ARHGAP39: variants seen among roughly 807,000 people sequenced by gnomAD.
ARHGAP39 encodes Rho GTPase activating protein 39, also known as rho GTPase-activating protein 39.
Under a neutral mutation model 106.9 loss-of-function variants are expected in ARHGAP39, and 44 were observed. That is an observed-to-expected ratio of 0.41 (90% confidence interval 0.32 to 0.53). The LOEUF (loss-of-function observed/expected upper bound fraction) is 0.53, where lower values mean the gene tolerates loss of function less well. ARHGAP39 is among the 20% of genes least tolerant of loss of function. The probability of loss-of-function intolerance (pLI) is 0.21; values close to 1 mark genes in which losing one functional copy is unlikely to be tolerated. For synonymous variants in ARHGAP39, 768 were observed against 693.2 expected (o/e 1.11, Z -1.69); for missense variants, 1,496 against 1,577.3 (o/e 0.95, Z 0.87).
rs1822336009 is a variant in ARHGAP39 at position 144,679,553 on chromosome 8, G to C, written c.-82+6133C>G. 6.6e-6 allele frequency among the ~76,000 whole-genome samples: 1 copy of C among 152,212 alleles called. No homozygotes were observed. The highest frequency in any genetic ancestry group is 2.4e-5 in the African/African-American group (1 of 41,460). ...AACTCGCTCTGGAGAAAGCTGTCCA[G>C]TAAACTCCTGGATTTGGATTTCTTC... On this transcript the variant is annotated intron_variant, in intron 1 of 11. Coordinates refer to ENST00000377307, the MANE Select transcript of ARHGAP39 (RefSeq NM_025251.3). The surrounding 1 kb of genome is among the most constrained non-coding windows in gnomAD (Gnocchi z 4.7).
At chr8:144,640,352 TA>T (rs1373291024) in intron 1 of ARHGAP39, among the ~76,000 whole-genome samples, 5 of 152,156 alleles carry the variant, frequency 3.3e-5, no homozygotes, top group African/African-American at 1.2e-4. Flanking sequence ...AATTGAATCA[TA>T]GGGGTGGGTC....
At chr8:144,597,098 G>T (rs1002996512) in intron 2 of ARHGAP39, among the ~76,000 whole-genome samples, 1 of 152,238 alleles carries the variant, frequency 6.6e-6, no homozygotes. Flanking sequence ...TGTGCCCAAG[G>T]AGACAGAGGA....
At chr8:144,564,610 GT>G (rs1818323318) in intron 3 of ARHGAP39, among the ~76,000 whole-genome samples, 1 of 152,178 alleles carries the variant, frequency 6.6e-6, no homozygotes, top group Non-Finnish European at 1.5e-5. Flanking sequence ...GACTGAACAT[GT>G]TAAGTAGAGA....
chr8:144,643,364 G>A (rs1821359551), intron 1 of ARHGAP39, among the ~76,000 whole-genome samples: 2 of 152,090 alleles, frequency 1.3e-5, no homozygotes, highest in Non-Finnish European at 2.9e-5. Flanking sequence ...CGAGTGGGAG[G>A]ACTGCTTGAG....
In ARHGAP39 at chr8:144,530,295, G is replaced by A; in HGVS notation, c.*127C>T. On this transcript the variant is annotated 3_prime_UTR_variant, in exon 12 of 12. Coordinates refer to ENST00000377307, the MANE Select transcript of ARHGAP39 (RefSeq NM_025251.3). The stretch of plus-strand genomic sequence containing the variant: ...GACGTGGGGAGCGCCGGGGCCAGGG[G>A]CCTGGGGGAGTGGAGGGGGCTCCAG... The A allele has an allele frequency of 1.9e-6, 2 of 1,059,470 alleles. No homozygotes were observed. Among genetic ancestry groups the A allele is most frequent in the Non-Finnish European group, 2.7e-6 (2 of 742,272 alleles). 65.6% of individuals were successfully genotyped at this position (1,059,470 alleles called of 1,614,324 possible).
chr8:144,567,423 A>AC (rs1818437241), intron 3 of ARHGAP39, among the ~76,000 whole-genome samples: 1 of 152,208 alleles, frequency 6.6e-6, no homozygotes, highest in African/African-American at 2.4e-5. Flanking sequence ...TGCCAAGCGG[A>AC]CCGTGGTCTA....
chr8:144,697,473 C>T, the ARHGAP39 span, among the ~76,000 whole-genome samples: 1 of 151,916 alleles, frequency 6.6e-6, no homozygotes. Flanking sequence ...GAATTGTATT[C>T]AATGTTATTA....
At position 144,545,761 on chromosome 8, in the gene ARHGAP39, C is replaced by A. The variant is rs756710619; in HGVS notation, c.2009G>T (p.Arg670Leu). 1 of 1,599,876 alleles carries A rather than the reference C, an allele frequency of 6.3e-7. No homozygotes were observed. Among genetic ancestry groups the A allele is most frequent in the East Asian group, 2.2e-5 (1 of 44,564 alleles). ...GCAGCTGGAGCTGGGAACGCCGCTGCGGCTCTGCCGGCTGCTCTCGAACTG... is the reference window on the plus strand; with the variant it reads ...GCAGCTGGAGCTGGGAACGCCGCTGAGGCTCTGCCGGCTGCTCTCGAACTG... ...CAQFESSRQS[R>L]SGVPSSSCVF... The change falls in exon 6 of 12, where the codon CGC becomes CTC. Residue 670 changes from arginine (R) to leucine (L), a missense_variant. This residue lies in a region of ARHGAP39 where 905 missense variants were observed against 816.4 expected (regional missense o/e 1.11). Coordinates refer to ENST00000377307, the MANE Select transcript of ARHGAP39 (RefSeq NM_025251.3).
In ARHGAP39 at chr8:144,547,136, G is replaced by A; in HGVS notation, c.1950C>T (p.His650=). 1.3e-6 allele frequency: 2 copies of A among 1,598,102 alleles called. No individual in the cohort carries two copies. The highest frequency in any genetic ancestry group is 1.7e-6 in the Non-Finnish European group (2 of 1,171,910). ...TNLASPEPYL[H]PSQSEDLAAC... is the part of the protein sequence containing the mutation. ...CCCATTGGGCCCTCACCTGTGAGGG[G>A]TGGAGGTAGGGCTCTGGTGAGGCCA... is the stretch of plus-strand genomic sequence containing the variant. Residue 650 remains histidine, a synonymous_variant, in exon 5 of 12, where the codon CAC becomes CAT. Coordinates refer to ENST00000377307, the MANE Select transcript of ARHGAP39 (RefSeq NM_025251.3). This position sits in a 1 kb window ranked among gnomAD's most constrained non-coding sequence, Gnocchi z 5.2.
intron 1 of ARHGAP39, among the ~76,000 whole-genome samples, chr8:144,636,730 G>A (rs746924976): frequency 3.9e-5 from 6 of 152,152 alleles, no homozygotes; most frequent in Non-Finnish European, 7.3e-5. Flanking sequence ...GAGCATCGCC[G>A]GGGTGACACT....
At chr8:144,602,750 G>C (rs573118267) in intron 2 of ARHGAP39, among the ~76,000 whole-genome samples, 1 of 145,262 alleles carries the variant, frequency 6.9e-6, no homozygotes, top group Non-Finnish European at 1.5e-5. Flanking sequence ...GGAGGCGTGT[G>C]TGTGAGCTCG....
chr8:144,669,905 T>G (rs1441957773), intron 1 of ARHGAP39, among the ~76,000 whole-genome samples: 1 of 152,246 alleles, frequency 6.6e-6, no homozygotes, highest in African/African-American at 2.4e-5. Context: ...TGGAACCTTA[T>G]GTATCGCTGT....
At chr8:144,616,201 C>G (rs1041739764) in intron 1 of ARHGAP39, among the ~76,000 whole-genome samples, 2 of 152,240 alleles carry the variant, frequency 1.3e-5, no homozygotes, top group Non-Finnish European at 2.9e-5. Flanking sequence ...GAGAGGCAGT[C>G]TGGAGGGGCC....
the ARHGAP39 span, chr8:144,698,615 TGG>T: frequency 6.8e-6 from 2 of 294,476 alleles, no homozygotes; most frequent in Non-Finnish European, 1.3e-5. Context: ...GTTTTTTTTT[TGG>T]CAATTAGTTA....
At chr8:144,696,882 C>T in the ARHGAP39 span, among the ~76,000 whole-genome samples, 2 of 152,186 alleles carry the variant, frequency 1.3e-5, no homozygotes, top group African/African-American at 4.8e-5. Context: ...GATTTGAATG[C>T]TCTAGGTACT....
intron 3 of ARHGAP39, among the ~76,000 whole-genome samples, chr8:144,565,430 C>T (rs1194095380): frequency 5.9e-5 from 9 of 152,178 alleles, no homozygotes; most frequent in East Asian, 1.9e-4. Context: ...GGTTCATGCC[C>T]GTAATTCCAG....
Position 144,670,747 on chromosome 8 carries a change from A to G in ARHGAP39, c.-82+14939T>C, listed in dbSNP as rs1822080859. ...TCCTCATCTAAATGAAGCATGCTAG[A>G]TTTGCTGTCACAGCCTCATCCCCGT... is the stretch of plus-strand genomic sequence containing the variant. On this transcript the variant is annotated intron_variant, in intron 1 of 11. Transcript: ENST00000377307. The surrounding 1 kb of genome is among the most constrained non-coding windows in gnomAD (Gnocchi z 4.4). 6.6e-6 allele frequency among the ~76,000 whole-genome samples: 1 copy of G among 151,944 alleles called. No individual in the cohort carries two copies. The highest frequency in any genetic ancestry group is 2.4e-5 in the African/African-American group (1 of 41,346).
At chr8:144,676,258 G>A (rs999503377) in intron 1 of ARHGAP39, among the ~76,000 whole-genome samples, 6 of 152,122 alleles carry the variant, frequency 3.9e-5, no homozygotes, top group East Asian at 1.9e-4. Context: ...GTTTTGACAG[G>A]GTGCTGATTA....
intron 3 of ARHGAP39, among the ~76,000 whole-genome samples, chr8:144,573,583 T>C (rs565344889): frequency 1.9e-4 from 29 of 152,272 alleles, no homozygotes; most frequent in African/African-American, 6.0e-4. Flanking sequence ...TGTGCACATG[T>C]ACCCTAGAAC....
Sources: gnomAD v4.1 joint callset for allele counts (sites outside exome capture counted in the v4.1 genomes callset) on GRCh38, gnomAD v4.1.1 for gene constraint, gnomAD v4.1.1 regional missense constraint, Gnocchi (gnomAD v3.1) non-coding constraint, MANE v1.5 for transcripts, NCBI Gene and HGNC (gene_info 2026-07-23, HGNC 2026-07-21) for gene names.